The following NCAM2 variants were observed in gnomAD, a reference collection of about 807,000 sequenced individuals.
The protein encoded by NCAM2 is neural cell adhesion molecule 2.
Under a neutral mutation model 98.1 loss-of-function variants are expected in NCAM2, and 30 were observed. The ratio of observed to expected loss-of-function variants is 0.31; its 90% CI spans 0.23 to 0.41. NCAM2 has a LOEUF of 0.41. Ranked by LOEUF, NCAM2 falls within the 10% of genes least tolerant of loss-of-function variation. The pLI is 1.00. For missense variants in NCAM2, 867 were observed against 1,005.8 expected (o/e 0.86, Z 1.87); for synonymous variants, 368 against 342.4 (o/e 1.07, Z -0.83).
chr21:21,339,620 A>G (rs886768196), intron 8 of NCAM2, among the ~76,000 whole-genome samples: 7 of 151,904 alleles, frequency 4.6e-5, no homozygotes, highest in African/African-American at 1.4e-4. Context: ...AAAGAGTCCA[A>G]TTTCTAAAGT....
intron 6 of NCAM2, among the ~76,000 whole-genome samples, chr21:21,327,781 C>G (rs2074559327): frequency 6.6e-6 from 1 of 152,142 alleles, no homozygotes; most frequent in South Asian, 2.1e-4. Flanking sequence ...AGGACACCAA[C>G]ATGTGAATTT....
At chr21:21,458,874 G>A (rs531379805) in intron 12 of NCAM2, among the ~76,000 whole-genome samples, 12 of 152,142 alleles carry the variant, frequency 7.9e-5, no homozygotes, top group East Asian at 1.9e-4. Flanking sequence ...AAAAACTTCC[G>A]CACATAAAAG....
At chr21:21,252,768 T>G (rs1022767435) in intron 1 of NCAM2, among the ~76,000 whole-genome samples, 6 of 152,194 alleles carry the variant, frequency 3.9e-5, no homozygotes, top group African/African-American at 1.4e-4. Flanking sequence ...CCTCCAAAAC[T>G]GTTATTTTTC....
At chr21:21,534,810 C>A (rs1225655404) in intron 17 of NCAM2, among the ~76,000 whole-genome samples, 154 bp downstream of exon 17, 2 of 151,994 alleles carry the variant, frequency 1.3e-5, no homozygotes, top group African/African-American at 4.8e-5. Context: ...ATCTAAAATC[C>A]ATTTTCTAAG....
At chr21:21,395,013 C>T (rs2076471664) in intron 9 of NCAM2, among the ~76,000 whole-genome samples, 1 of 152,084 alleles carries the variant, frequency 6.6e-6, no homozygotes, top group Non-Finnish European at 1.5e-5. Flanking sequence ...AGGCAAGTAA[C>T]ATTGTTCTTT....
At chr21:21,379,637 A>G (rs895649637) in intron 9 of NCAM2, among the ~76,000 whole-genome samples, 1 of 151,994 alleles carries the variant, frequency 6.6e-6, no homozygotes, top group African/African-American at 2.4e-5. Context: ...TTATTTTTAT[A>G]TGTATAAAGA....
At position 21,077,041 on chromosome 21, in the gene NCAM2, A is replaced by C. The variant is rs187058472; in HGVS notation, c.55+78423A>C. Among the ~76,000 whole-genome samples the C allele has an allele frequency of 1.7e-3, 255 of 152,242 alleles. 1 individual carries two copies. The highest frequency in any genetic ancestry group is 2.7e-3 in the Non-Finnish European group (181 of 68,004). ...GTGGAGTGGAGAGGTCAGAAAAGTGAGGTTTTGAATCATTTTCTACCACAC... is the reference window on the plus strand; with the variant it reads ...GTGGAGTGGAGAGGTCAGAAAAGTGCGGTTTTGAATCATTTTCTACCACAC... On this transcript the variant is annotated intron_variant, in intron 1 of 17. Transcript: ENST00000400546.
intron 1 of NCAM2, among the ~76,000 whole-genome samples, chr21:21,015,178 TTACA>T (rs547485435): frequency 1.4e-3 from 212 of 152,298 alleles, no homozygotes; most frequent in Admixed American, 2.2e-3. Context: ...ATTTAGAATA[TTACA>T]TACACTTAGT....
chr21:21,208,328 A>C (rs1479329214), intron 1 of NCAM2, among the ~76,000 whole-genome samples: 1 of 152,160 alleles, frequency 6.6e-6, no homozygotes, highest in Non-Finnish European at 1.5e-5. Flanking sequence ...TATCACTTCA[A>C]ACCATTTAAA....
chr21:21,286,504 A>C, intron 4 of NCAM2, 92 bp downstream of exon 4: 2 of 1,349,252 alleles, frequency 1.5e-6, no homozygotes, highest in East Asian at 4.8e-5. Context: ...TAGAAATTTG[A>C]ATTTTTGACC....
chr21:21,040,920 A>T (rs1184969890), intron 1 of NCAM2, among the ~76,000 whole-genome samples: 1 of 152,148 alleles, frequency 6.6e-6, no homozygotes, highest in Non-Finnish European at 1.5e-5. Flanking sequence ...AGAAGAGAGG[A>T]TTTTGAATAT....
At chr21:21,439,471 C>A (rs1371240787) in intron 12 of NCAM2, among the ~76,000 whole-genome samples, 1 of 152,046 alleles carries the variant, frequency 6.6e-6, no homozygotes, top group African/African-American at 2.4e-5. Context: ...TAATAGAAAT[C>A]TGGAGGAAAA....
At chr21:21,027,504 A>C (rs1011336884) in intron 1 of NCAM2, among the ~76,000 whole-genome samples, 5 of 152,240 alleles carry the variant, frequency 3.3e-5, no homozygotes, top group African/African-American at 1.2e-4. Context: ...ATTTGTAAAC[A>C]TGAGGTAATA....
chr21:21,473,486 G>A (rs544753439), intron 14 of NCAM2, among the ~76,000 whole-genome samples: 108 of 150,658 alleles, frequency 7.2e-4, no homozygotes, highest in African/African-American at 2.5e-3. Flanking sequence ...GTGAGGTCAT[G>A]TAAATATGAA....
At chr21:21,175,493 A>G (rs1004482666) in intron 1 of NCAM2, among the ~76,000 whole-genome samples, 1 of 152,202 alleles carries the variant, frequency 6.6e-6, no homozygotes, top group African/African-American at 2.4e-5. Flanking sequence ...AGATCGTGCC[A>G]CTGCACTCCA....
At chr21:21,413,070 A>C (rs2076920250) in intron 10 of NCAM2, among the ~76,000 whole-genome samples, 1 of 152,144 alleles carries the variant, frequency 6.6e-6, no homozygotes, top group African/African-American at 2.4e-5. Flanking sequence ...ACATAACCAA[A>C]TATTCAATAA....
chr21:21,096,455 T>A (rs376476463), intron 1 of NCAM2, among the ~76,000 whole-genome samples: 2 of 151,868 alleles, frequency 1.3e-5, no homozygotes, highest in South Asian at 4.1e-4. Context: ...ATTAAAACAT[T>A]TATTCCTCTT....
In NCAM2 at chr21:21,402,540, T is replaced by G. The variant is rs532793167; in HGVS notation, c.1196-7734T>G. On this transcript the variant is annotated intron_variant, in intron 9 of 17. Coordinates refer to ENST00000400546, the MANE Select transcript of NCAM2 (RefSeq NM_004540.5). ...AACATAGACCCTTATCAGGAGTTTC[T>G]GATTTTGCCCTGGTCCTGTTTCCTC... is the stretch of plus-strand genomic sequence containing the variant. 4.6e-5 allele frequency among the ~76,000 whole-genome samples: 7 copies of G among 152,280 alleles called. No individual in the cohort carries two copies. In the East Asian group the frequency reaches 1.4e-3, roughly 29 times the overall value.
At chr21:21,368,365 C>T (rs949456070) in intron 8 of NCAM2, among the ~76,000 whole-genome samples, 2 of 151,902 alleles carry the variant, frequency 1.3e-5, no homozygotes, top group Non-Finnish European at 2.9e-5. Flanking sequence ...AATCCACTCA[C>T]TCTTTTCCAT....
Sources: gnomAD v4.1 joint callset for allele counts (sites outside exome capture counted in the v4.1 genomes callset) on GRCh38, gnomAD v4.1.1 for gene constraint, MANE v1.5 for transcripts, NCBI Gene and HGNC (gene_info 2026-07-23, HGNC 2026-07-21) for gene names.